The following GPC5 variants were observed in gnomAD, a reference collection of about 807,000 sequenced individuals.
The protein encoded by GPC5 is glypican 5, also known as glypican-5.
A neutral mutation model predicts 53.9 loss-of-function variants in GPC5; 47 were observed. That is an observed-to-expected ratio of 0.87 (90% CI 0.69 to 1.11). The LOEUF (loss-of-function observed/expected upper bound fraction) is 1.11, where lower values mean the gene tolerates loss of function less well. GPC5 is among the 50% of genes most tolerant of loss of function. GPC5 has a pLI of 0.00. For missense variants in GPC5, 748 were observed against 713.1 expected (o/e 1.05, Z -0.56); for synonymous variants, 286 against 263.3 (o/e 1.09, Z -0.84).
At chr13:91,648,035 C>G (rs1464410983) in intron 2 of GPC5, among the ~76,000 whole-genome samples, 2 of 152,208 alleles carry the variant, frequency 1.3e-5, no homozygotes, top group African/African-American at 4.8e-5. Context: ...GGAGCCTCCT[C>G]TGTGTTGCTT....
chr13:92,657,576 T>C (rs1204940258), intron 7 of GPC5, among the ~76,000 whole-genome samples: 1 of 137,590 alleles, frequency 7.3e-6, no homozygotes, highest in Non-Finnish European at 1.6e-5. Flanking sequence ...AGAAGGTTTT[T>C]TGGTTTTTTT....
intron 6 of GPC5, among the ~76,000 whole-genome samples, chr13:92,016,730 T>C (rs2040710794): frequency 6.7e-6 from 1 of 150,192 alleles, no homozygotes; most frequent in Non-Finnish European, 1.5e-5. Context: ...TTTTCTTCTT[T>C]TTTTTTTTTT....
intron 7 of GPC5, among the ~76,000 whole-genome samples, chr13:92,805,976 T>C (rs771246711): frequency 3.3e-5 from 5 of 152,050 alleles, no homozygotes; most frequent in African/African-American, 4.8e-5. Context: ...CTTTGAAACT[T>C]TGAAGCCAGG....
chr13:92,751,303 T>TAAAAAAAAAAAAAAAAAAAA (rs71123435), intron 7 of GPC5, among the ~76,000 whole-genome samples: 2 of 38,778 alleles, frequency 5.2e-5, no homozygotes, highest in African/African-American at 8.4e-5. Flanking sequence ...CAGAAACATT[T>TAAAAAAAAAAAAAAAAAAAA]AAAAAAAAAA....
At position 91,604,297 on chromosome 13, in the gene GPC5, G is replaced by T. The variant is rs527303645; in HGVS notation, c.326-88890G>T. The stretch of plus-strand genomic sequence containing the variant: ...GGACATGAACTCATCATTTTTTATG[G>T]CTGCATAGTATTCCATGGTGTATAT... On this transcript the variant is annotated intron_variant, in intron 2 of 7. Coordinates refer to ENST00000377067, the MANE Select transcript of GPC5 (RefSeq NM_004466.6). Among the ~76,000 whole-genome samples, 20 of 143,256 alleles carry T rather than the reference G, an allele frequency of 1.4e-4. No homozygotes were observed. The East Asian group carries it at 1.6e-3, about 12-fold the overall frequency. The allele number at this position is 143,256 out of a possible 152,430, so 94.0% of individuals were successfully genotyped here.
intron 4 of GPC5, among the ~76,000 whole-genome samples, chr13:91,755,988 C>G (rs1455764891): frequency 6.6e-6 from 1 of 150,732 alleles, no homozygotes; most frequent in East Asian, 2.0e-4. Context: ...ATACTATTCC[C>G]AACTTCTTGC....
At chr13:92,191,531 A>C (rs535804365) in intron 7 of GPC5, among the ~76,000 whole-genome samples, 34 of 152,330 alleles carry the variant, frequency 2.2e-4, no homozygotes, top group African/African-American at 7.9e-4. Context: ...ACCCAAATGA[A>C]TTAAAAACTT....
At chr13:91,929,250 C>T (rs188717475) in intron 6 of GPC5, among the ~76,000 whole-genome samples, 1 of 152,114 alleles carries the variant, frequency 6.6e-6, no homozygotes, top group Admixed American at 6.6e-5. Context: ...CAAATGGTCC[C>T]TAAAGTAGAA....
intron 7 of GPC5, among the ~76,000 whole-genome samples, chr13:92,803,912 A>G (rs1877001336): frequency 2.0e-5 from 3 of 151,938 alleles, no homozygotes; most frequent in Admixed American, 2.0e-4. Flanking sequence ...GAATTATGTA[A>G]CCTAGATCAG....
chr13:92,300,910 T>C (rs559160676), intron 7 of GPC5, among the ~76,000 whole-genome samples: 216 of 152,320 alleles, frequency 1.4e-3, no homozygotes, highest in Non-Finnish European at 2.3e-3. Flanking sequence ...TGTAATGTGG[T>C]CCCAATATAG....
At chr13:92,552,266 A>G (rs540371925) in intron 7 of GPC5, among the ~76,000 whole-genome samples, 6 of 151,992 alleles carry the variant, frequency 3.9e-5, no homozygotes, top group Non-Finnish European at 2.9e-5. Flanking sequence ...GAGAGAAGTT[A>G]AGTTACAGTC....
chr13:92,051,199 C>CTTTTTTT (rs72346282), intron 6 of GPC5, among the ~76,000 whole-genome samples: 33 of 73,776 alleles, frequency 4.5e-4, no homozygotes, highest in African/African-American at 4.7e-4. Context: ...TCATTTTTTT[C>CTTTTTTT]TTTTTTTTTT....
intron 6 of GPC5, among the ~76,000 whole-genome samples, chr13:92,034,751 T>A (rs2040879774): frequency 6.6e-6 from 1 of 152,190 alleles, no homozygotes. Context: ...AAAATTCATA[T>A]AATGTTATAC....
chr13:92,104,473 A>T (rs2041492317), intron 6 of GPC5, among the ~76,000 whole-genome samples: 1 of 152,156 alleles, frequency 6.6e-6, no homozygotes, highest in Non-Finnish European at 1.5e-5. Context: ...TAACAACTTG[A>T]ATATGTTTTA....
chr13:92,253,536 A>G (rs551046141), intron 7 of GPC5, among the ~76,000 whole-genome samples: 1 of 152,234 alleles, frequency 6.6e-6, no homozygotes, highest in Admixed American at 6.6e-5. Flanking sequence ...AGTGGAGATC[A>G]AATGCACCAG....
chr13:92,846,968 G>T (rs558986625), intron 7 of GPC5, among the ~76,000 whole-genome samples: 1 of 152,252 alleles, frequency 6.6e-6, no homozygotes, highest in African/African-American at 2.4e-5. Context: ...TCTTTGCGGG[G>T]ATAGTGAGAT....
intron 5 of GPC5, among the ~76,000 whole-genome samples, chr13:91,879,916 A>G: frequency 6.6e-6 from 1 of 152,258 alleles, no homozygotes; most frequent in South Asian, 2.1e-4. Context: ...AACTATGTTT[A>G]TAAGAGATAC....
chr13:92,121,194 G>A (rs1337287811), intron 6 of GPC5, among the ~76,000 whole-genome samples: 4 of 151,934 alleles, frequency 2.6e-5, no homozygotes, highest in Non-Finnish European at 4.4e-5. Flanking sequence ...TCCTTTGTTC[G>A]ATTTTCTTCT....
intron 7 of GPC5, among the ~76,000 whole-genome samples, chr13:92,778,109 T>C (rs185736523): frequency 1.1e-4 from 17 of 152,350 alleles, no homozygotes; most frequent in Admixed American, 6.5e-4. Flanking sequence ...AAAGAGCATA[T>C]TTTGCTGTCA....
Sources: allele counts gnomAD v4.1 joint callset (sites outside exome capture counted in the v4.1 genomes callset), GRCh38; gene constraint gnomAD v4.1.1; transcripts MANE v1.5; gene names NCBI Gene and HGNC (gene_info 2026-07-23, HGNC 2026-07-21).